The following SNX10 variants were observed in gnomAD, a reference collection of about 807,000 sequenced individuals.
The protein encoded by SNX10 is sorting nexin 10, also known as sorting nexin-10.
Under a neutral mutation model 28.5 loss-of-function variants are expected in SNX10, and 25 were observed. The observed-to-expected ratio is 0.88, with a 90% confidence interval of 0.64 to 1.22. The LOEUF (loss-of-function observed/expected upper bound fraction) is 1.22, where lower values mean the gene tolerates loss of function less well. SNX10 is among the 50% of genes most tolerant of loss of function. The pLI is 0.00. For synonymous variants in SNX10, 62 were observed against 81.4 expected (o/e 0.76, Z 1.28); for missense variants, 223 against 242.6 (o/e 0.92, Z 0.54).
At chr7:26,311,117 C>A (rs908576089) in intron 1 of SNX10, among the ~76,000 whole-genome samples, 1 of 152,064 alleles carries the variant, frequency 6.6e-6, no homozygotes, top group Non-Finnish European at 1.5e-5. Flanking sequence ...ACCCCGTTAT[C>A]TGGGACAGTG....
At chr7:26,360,837 T>C (rs1254961296) in intron 2 of SNX10, 138 bp from the exon 3 acceptor site, 3 of 1,467,112 alleles carry the variant, frequency 2.0e-6, no homozygotes, top group Non-Finnish European at 2.7e-6. Context: ...ACTTTACTTC[T>C]TGTTTTTTAA....
chr7:26,292,354 C>A (rs1466088749), intron 1 of SNX10, among the ~76,000 whole-genome samples: 1 of 152,110 alleles, frequency 6.6e-6, no homozygotes, highest in African/African-American at 2.4e-5. Flanking sequence ...AAAAGACACC[C>A]CGGGGAGAGG....
intron 2 of SNX10, among the ~76,000 whole-genome samples, chr7:26,352,114 A>G (rs941080732): frequency 9.1e-6 from 1 of 110,206 alleles, no homozygotes; most frequent in Non-Finnish European, 1.9e-5. Context: ...TAATTTCTCT[A>G]TATCTAAAAC....
At chr7:26,338,660 T>C (rs1788044500) in intron 1 of SNX10, among the ~76,000 whole-genome samples, 1 of 152,162 alleles carries the variant, frequency 6.6e-6, no homozygotes, top group South Asian at 2.1e-4. Flanking sequence ...CACCTCGGCC[T>C]CCCAAAGTGC....
chr7:26,351,574 T>C (rs1379264501), intron 2 of SNX10, among the ~76,000 whole-genome samples: 6 of 150,520 alleles, frequency 4.0e-5, no homozygotes, highest in African/African-American at 1.5e-4. Context: ...CCAAATATAA[T>C]GTATCTCGAG....
Position 26,364,583 on chromosome 7 carries a change from T to C in SNX10, c.160T>C (p.Tyr54His). The C allele has an allele frequency of 1.9e-6, 3 of 1,614,064 alleles. No individual in the cohort carries two copies. Among genetic ancestry groups the C allele is most frequent in the South Asian group, 1.1e-5 (1 of 91,074 alleles). The change falls in exon 4 of 7, where the codon TAT (tyrosine) becomes CAT (histidine). Residue 54 changes from tyrosine (Y) to histidine (H), a missense_variant. By Grantham distance (83) the Tyr-to-His change is moderately conservative (BLOSUM62 2). Transcript: ENST00000338523. This position sits in a 1 kb window ranked among gnomAD's most constrained non-coding sequence, Gnocchi z 4.9. ...GAAAACATCCTGTGTACGAAGAAGA[T>C]ATAGAGAATTCGTGTGGCTGAGGCA... ...TMKTSCVRRRYREFVWLRQRL... is the reference protein window; with the variant it reads ...TMKTSCVRRRHREFVWLRQRL...
intron 2 of SNX10, among the ~76,000 whole-genome samples, chr7:26,348,566 C>T (rs1562810579): frequency 6.6e-6 from 1 of 152,210 alleles, no homozygotes. Context: ...CCAAAGGAGC[C>T]ATGGGCGGAG....
intron 1 of SNX10, among the ~76,000 whole-genome samples, chr7:26,318,951 G>A (rs1279021788): frequency 1.3e-5 from 2 of 152,132 alleles, no homozygotes; most frequent in Non-Finnish European, 2.9e-5. Context: ...ACTTGTTCAA[G>A]GTCACACAGC....
At chr7:26,339,491 TTTTTTTC>T (rs1421329108) in intron 1 of SNX10, among the ~76,000 whole-genome samples, 1 of 151,848 alleles carries the variant, frequency 6.6e-6, no homozygotes, top group Non-Finnish European at 1.5e-5. Context: ...GCATTTAGGG[TTTTTTTC>T]TTTGTTTTTG....
intron 1 of SNX10, among the ~76,000 whole-genome samples, chr7:26,325,787 G>C (rs1423382312): frequency 2.0e-5 from 3 of 151,114 alleles, no homozygotes; most frequent in Non-Finnish European, 2.9e-5. Context: ...GAGTGCAGTG[G>C]TGTGATCTCA....
chr7:26,306,583 T>C (rs1395148610), intron 1 of SNX10, among the ~76,000 whole-genome samples: 3 of 151,928 alleles, frequency 2.0e-5, no homozygotes, highest in Non-Finnish European at 4.4e-5. Context: ...GTTTTTGTAT[T>C]TTTGTAGAGA....
chr7:26,335,690 C>T (rs560969771), intron 1 of SNX10, among the ~76,000 whole-genome samples: 1 of 145,364 alleles, frequency 6.9e-6, no homozygotes, highest in South Asian at 2.3e-4. Flanking sequence ...AAACTTGGCA[C>T]AGAACTAAAC....
intron 1 of SNX10, among the ~76,000 whole-genome samples, chr7:26,300,461 A>G (rs1296279442): frequency 6.6e-6 from 1 of 152,068 alleles, no homozygotes; most frequent in Admixed American, 6.5e-5. Flanking sequence ...AGACCTGTGG[A>G]AAAAAATAAC....
At chr7:26,341,419 A>G (rs1788171782) in intron 1 of SNX10, among the ~76,000 whole-genome samples, 1 of 152,138 alleles carries the variant, frequency 6.6e-6, no homozygotes, top group Admixed American at 6.5e-5. Flanking sequence ...CTCTAGAGAC[A>G]GCCTAGCAGA....
At chr7:26,307,802 G>A (rs1786657347) in intron 1 of SNX10, among the ~76,000 whole-genome samples, 1 of 152,000 alleles carries the variant, frequency 6.6e-6, no homozygotes, top group Non-Finnish European at 1.5e-5. Flanking sequence ...CAGCACCGTG[G>A]GGGTACATTG....
At position 26,325,306 on chromosome 7, in the gene SNX10, A is replaced by ATATATATATATAT. The variant is rs1787457774; in HGVS notation, c.-23-21114_-23-21113insTATATATATATAT. Among the ~76,000 whole-genome samples the ATATATATATATAT allele has an allele frequency of 5.3e-4, 27 of 51,374 alleles. 1 individual carries two copies. The highest frequency in any genetic ancestry group is 8.4e-4 in the Non-Finnish European group (15 of 17,950). The allele number at this position is 51,374 out of a possible 152,430, so 33.7% of individuals were successfully genotyped here. ...AATTTTTTTCTACTGAAGTTTGCAA[A>ATATATATATATAT]ATATATATATATATATATATATTTG... On this transcript the variant is annotated intron_variant, in intron 1 of 6. Coordinates refer to ENST00000338523, the MANE Select transcript of SNX10 (RefSeq NM_013322.3).
intron 1 of SNX10, among the ~76,000 whole-genome samples, chr7:26,315,271 C>A (rs796303514): frequency 4.5e-4 from 68 of 152,166 alleles, no homozygotes; most frequent in African/African-American, 1.6e-3. Flanking sequence ...ACTATAATGC[C>A]ATTATCATAT....
intron 5 of SNX10, 26 bp from the exon 6 acceptor site, chr7:26,371,791 CAATT>C: frequency 6.7e-7 from 1 of 1,494,814 alleles, no homozygotes; most frequent in South Asian, 1.2e-5. Flanking sequence ...TCCTGTTCAC[CAATT>C]ATTTTTCCTT....
intron 2 of SNX10, 128 bp from the exon 3 acceptor site, chr7:26,360,847 A>T: frequency 6.8e-7 from 1 of 1,472,864 alleles, no homozygotes; most frequent in Non-Finnish European, 8.9e-7. Flanking sequence ...TTGTTTTTTA[A>T]AGGATTACAA....
Sources: allele counts gnomAD v4.1 joint callset (sites outside exome capture counted in the v4.1 genomes callset), GRCh38; gene constraint gnomAD v4.1.1; non-coding constraint Gnocchi (gnomAD v3.1); transcripts MANE v1.5; gene names NCBI Gene and HGNC (gene_info 2026-07-23, HGNC 2026-07-21).